Variants in CAPN5 observed in about 807,000 individuals in gnomAD.
CAPN5 encodes calpain-5.
A neutral mutation model predicts 73.0 loss-of-function variants in CAPN5; 54 were observed. The observed-to-expected ratio is 0.74, with a 90% CI of 0.59 to 0.93. CAPN5 has a LOEUF of 0.93. CAPN5 is among the 40% of genes least tolerant of loss of function. The pLI is 0.00. For missense variants in CAPN5, 785 were observed against 882.9 expected, an observed-to-expected ratio of 0.89 and a Z score of 1.41; for synonymous variants, 335 against 356.9, an observed-to-expected ratio of 0.94 and a Z score of 0.69.
intron 1 of CAPN5, among the ~76,000 whole-genome samples, chr11:77,081,759 G>C (rs1432672485): frequency 3.3e-5 from 5 of 152,276 alleles, no homozygotes; most frequent in South Asian, 2.1e-4. Context: ...TAGTGGGGAT[G>C]TGGGCACCGG....
intron 2 of CAPN5, among the ~76,000 whole-genome samples, chr11:77,086,265 A>G (rs1466814329): frequency 2.6e-5 from 4 of 152,166 alleles, no homozygotes; most frequent in African/African-American, 9.7e-5. Flanking sequence ...GTAGTTTTCT[A>G]GTTTCCCTCC....
In CAPN5 at chr11:77,123,870, A is replaced by T. The variant is rs749062696; in HGVS notation, c.1923A>T (p.Ter641CysextTer71). The change falls in exon 13 of 13, where the codon TGA becomes TGT. Residue 641 changes from the stop codon to cysteine (C), a stop_lost. Transcript: ENST00000648180. The part of the protein sequence containing the change: ...ILSSTSLMAV[*>C] ...GCAGCACCTCCCTCATGGCTGTCTGACACCTGCCCACCTACCTGGCTCTGA... is the reference window on the plus strand; with the variant it reads ...GCAGCACCTCCCTCATGGCTGTCTGTCACCTGCCCACCTACCTGGCTCTGA... The T allele has an allele frequency of 3.5e-5, 56 of 1,612,144 alleles. No homozygotes were observed. The highest frequency in any genetic ancestry group is 4.4e-5 in the Non-Finnish European group (52 of 1,179,384).
intron 2 of CAPN5, among the ~76,000 whole-genome samples, chr11:77,086,258 G>A (rs1565260690): frequency 6.6e-6 from 1 of 152,284 alleles, no homozygotes; most frequent in South Asian, 2.1e-4. Flanking sequence ...ATGAAATGTA[G>A]TTTTCTAGTT....
chr11:77,121,916 C>T lies in CAPN5; in HGVS notation c.1488-18C>T. 1.4e-6 allele frequency: 2 copies of T among 1,468,470 alleles called. No homozygotes were observed. Among genetic ancestry groups the T allele is most frequent in the Non-Finnish European group, 1.8e-6 (2 of 1,087,574 alleles). 91.0% of individuals were successfully genotyped at this position (1,468,470 alleles called of 1,614,324 possible). On this transcript the variant is annotated intron_variant, in intron 10 of 12. Transcript: ENST00000648180. ...GCCCTTCTCCATCACTCCCCTCTCC[C>T]CTGCCGCCCCATATCAGGGAGCTGC...
At chr11:77,101,273 G>A (rs1950281239) in intron 3 of CAPN5, among the ~76,000 whole-genome samples, 2 of 152,166 alleles carry the variant, frequency 1.3e-5, no homozygotes, top group Admixed American at 6.5e-5. Flanking sequence ...GTGTGTCACA[G>A]GCAAAAACTG....
At chr11:77,076,654 A>G (rs1949971861) in intron 1 of CAPN5, among the ~76,000 whole-genome samples, 1 of 152,166 alleles carries the variant, frequency 6.6e-6, no homozygotes, top group South Asian at 2.1e-4. Context: ...CACTTAGTAT[A>G]TTGCCTTCCT....
intron 1 of CAPN5, among the ~76,000 whole-genome samples, chr11:77,084,013 A>G (rs1320488823): frequency 1.3e-5 from 2 of 152,234 alleles, no homozygotes; most frequent in South Asian, 2.1e-4. Flanking sequence ...ACCGCAGCCC[A>G]GATGGAGTTT....
chr11:77,071,955 T>G (rs1949910939), intron 1 of CAPN5, among the ~76,000 whole-genome samples: 1 of 152,198 alleles, frequency 6.6e-6, no homozygotes, highest in Non-Finnish European at 1.5e-5. Context: ...GTGAGTCTCC[T>G]TTCCCTCCTC....
intron 4 of CAPN5, among the ~76,000 whole-genome samples, chr11:77,113,394 G>A (rs1950431816): frequency 6.6e-6 from 1 of 152,224 alleles, no homozygotes; most frequent in African/African-American, 2.4e-5. Context: ...GGGGAAGAGT[G>A]ACTCGCGCAG....
At chr11:77,118,981 G>T in intron 8 of CAPN5, 49 bp from the exon 9 acceptor site, 1 of 1,573,444 alleles carries the variant, frequency 6.4e-7, no homozygotes, top group South Asian at 1.2e-5. Flanking sequence ...GCCCATGCCT[G>T]GTGTGGTCTC....
At chr11:77,111,149 T>C (rs1591141055) in intron 3 of CAPN5, among the ~76,000 whole-genome samples, 1 of 152,186 alleles carries the variant, frequency 6.6e-6, no homozygotes, top group South Asian at 2.1e-4. Flanking sequence ...CCTTCTGGTA[T>C]AGCCCCGCCT....
intron 1 of CAPN5, among the ~76,000 whole-genome samples, chr11:77,069,362 G>T (rs1591105110): frequency 6.6e-6 from 1 of 152,122 alleles, no homozygotes; most frequent in African/African-American, 2.4e-5. Context: ...CCCTCCCTGG[G>T]GATGAGGGGC....
intron 12 of CAPN5, among the ~76,000 whole-genome samples, chr11:77,123,443 C>G (rs1950543084): frequency 1.3e-5 from 2 of 152,308 alleles, no homozygotes; most frequent in South Asian, 2.1e-4. Context: ...CCAAGATCAA[C>G]AGCGGAGCTA....
intron 3 of CAPN5, among the ~76,000 whole-genome samples, chr11:77,109,112 A>G (rs782463195): frequency 1.3e-5 from 2 of 152,226 alleles, no homozygotes; most frequent in Admixed American, 6.5e-5. Context: ...TCACAGCTGC[A>G]TCATGGAAGA....
chr11:77,072,859 T>C (rs1233398012), intron 1 of CAPN5: 1 of 325,096 alleles, frequency 3.1e-6, no homozygotes, highest in Admixed American at 4.1e-5. Flanking sequence ...TGAAAAATAG[T>C]GTGTAGTGTT....
rs1950571548 is a variant in CAPN5 at position 77,125,905 on chromosome 11, G to A, written c.*2035G>A. The stretch of plus-strand genomic sequence containing the variant: ...CTTGAGGTGGGCCAGGCTGGCTCCT[G>A]GCTATGCAGGGATCTCTGGTCCCCA... On this transcript the variant is annotated 3_prime_UTR_variant, in exon 13 of 13. Transcript: ENST00000648180. The A allele has an allele frequency of 6.6e-6, 1 of 152,452 alleles. No homozygotes were observed. The highest frequency in any genetic ancestry group is 6.5e-5 in the Admixed American group (1 of 15,282). The allele number at this position is 152,452 out of a possible 1,614,324, so 9.4% of individuals were successfully genotyped here. A position where few individuals can be genotyped will look rare whatever the true frequency, so the allele number is the denominator to read the frequency against.
At chr11:77,112,420 A>G (rs1360394812) in intron 3 of CAPN5, among the ~76,000 whole-genome samples, 169 bp from the exon 4 acceptor site, 1 of 152,140 alleles carries the variant, frequency 6.6e-6, no homozygotes, top group Non-Finnish European at 1.5e-5. Flanking sequence ...CTGAGCCTGG[A>G]GATGGGGAGG....
chr11:77,115,380 T>G lies in CAPN5; in HGVS notation c.700-15T>G. ...GTGTGGCCCTGCCTCTCTGAGCAAC[T>G]GTGTCCCTCCACAGGCAGTGACAGC... is the stretch of plus-strand genomic sequence containing the variant. On this transcript the variant is annotated splice_polypyrimidine_tract_variant and intron_variant, in intron 5 of 12. Coordinates refer to ENST00000648180, the MANE Select transcript of CAPN5 (RefSeq NM_004055.5). The G allele has an allele frequency of 6.3e-7, 1 of 1,589,882 alleles. No individual in the cohort carries two copies.
chr11:77,079,468 G>T (rs1393874978), intron 1 of CAPN5, among the ~76,000 whole-genome samples: 2 of 152,024 alleles, frequency 1.3e-5, no homozygotes, highest in African/African-American at 2.4e-5. Flanking sequence ...ACAACAATTT[G>T]TTCATTTTCG....
Sources: allele counts gnomAD v4.1 joint callset (sites outside exome capture counted in the v4.1 genomes callset), GRCh38; gene constraint gnomAD v4.1.1; transcripts MANE v1.5; gene names NCBI Gene and HGNC (gene_info 2026-07-23, HGNC 2026-07-21).